The following INSL6 variants were observed in gnomAD, a reference collection of about 807,000 sequenced individuals.
INSL6 encodes the protein insulin like 6, also known as insulin-like peptide INSL6.
Under a neutral mutation model 9.4 loss-of-function variants are expected in INSL6, and 16 were observed. That is an observed-to-expected ratio of 1.70 (90% CI 1.15 to 2.59). The LOEUF is 2.59. Ranked by LOEUF, INSL6 falls within the 30% of genes most tolerant of loss-of-function variation. INSL6 has a pLI of 0.00. For synonymous variants in INSL6, 154 were observed against 96.9 expected, an observed-to-expected ratio of 1.59 and a Z score of -3.46; for missense variants, 391 against 257.3, an observed-to-expected ratio of 1.52 and a Z score of -3.56.
At chr9:5,063,920 G>A in the INSL6 span, among the ~76,000 whole-genome samples, 1 of 152,234 alleles carries the variant, frequency 6.6e-6, no homozygotes, top group Non-Finnish European at 1.5e-5. Flanking sequence ...CACTTTGGGA[G>A]GCCAAGGCGG....
chr9:5,083,055 G>A, the INSL6 span, among the ~76,000 whole-genome samples: 2 of 152,198 alleles, frequency 1.3e-5, no homozygotes, highest in Non-Finnish European at 2.9e-5. Context: ...TCTTCAAGAG[G>A]AAGATGAATT....
chr9:5,027,600 G>C, the INSL6 span, among the ~76,000 whole-genome samples: 1 of 152,158 alleles, frequency 6.6e-6, no homozygotes, highest in Non-Finnish European at 1.5e-5. Context: ...TGTCTCTGTA[G>C]TATGCAATGC....
At chr9:5,116,928 C>T in the INSL6 span, among the ~76,000 whole-genome samples, 1 of 152,194 alleles carries the variant, frequency 6.6e-6, no homozygotes, top group Non-Finnish European at 1.5e-5. Context: ...ACAAATAATT[C>T]AGCTGAAGAT....
the INSL6 span, among the ~76,000 whole-genome samples, chr9:5,042,677 G>C: frequency 6.6e-6 from 1 of 152,266 alleles, no homozygotes; most frequent in Non-Finnish European, 1.5e-5. Flanking sequence ...CTCAGTGGGA[G>C]GGCAGGCCTG....
the INSL6 span, among the ~76,000 whole-genome samples, chr9:5,036,048 T>C: frequency 6.6e-6 from 1 of 152,160 alleles, no homozygotes; most frequent in Non-Finnish European, 1.5e-5. Context: ...GCATACAAAA[T>C]CAATGTGCAA....
the INSL6 span, among the ~76,000 whole-genome samples, chr9:5,019,259 T>C: frequency 6.6e-6 from 1 of 152,158 alleles, no homozygotes; most frequent in Non-Finnish European, 1.5e-5. Flanking sequence ...TTCTTTATTT[T>C]TGTCTAATGG....
chr9:5,025,137 C>A, the INSL6 span, among the ~76,000 whole-genome samples: 1 of 152,044 alleles, frequency 6.6e-6, no homozygotes, highest in Non-Finnish European at 1.5e-5. Context: ...AGTTTTTACT[C>A]ATTTTTTTTT....
intron 2 of INSL6, among the ~76,000 whole-genome samples, chr9:5,136,094 T>C (rs894193661): frequency 1.3e-5 from 2 of 152,222 alleles, no homozygotes; most frequent in Non-Finnish European, 2.9e-5. Context: ...AATCCCTGAA[T>C]AGACCAATAA....
the INSL6 span, among the ~76,000 whole-genome samples, chr9:5,027,116 T>G: frequency 1.3e-5 from 2 of 152,190 alleles, no homozygotes; most frequent in Non-Finnish European, 2.9e-5. Flanking sequence ...GAACCAACCT[T>G]TCTATAGAGG....
chr9:5,073,286 G>A, the INSL6 span, among the ~76,000 whole-genome samples: 1 of 152,184 alleles, frequency 6.6e-6, no homozygotes, highest in Admixed American at 6.5e-5. Context: ...TGACACAGAT[G>A]TCGTGATATT....
chr9:5,157,856 T>A (rs903921354), intron 2 of INSL6, among the ~76,000 whole-genome samples: 3 of 151,992 alleles, frequency 2.0e-5, no homozygotes, highest in African/African-American at 4.8e-5. Flanking sequence ...CTAAATAAGG[T>A]ACCAGGGGCC....
At chr9:5,035,256 A>G in the INSL6 span, among the ~76,000 whole-genome samples, 1 of 152,228 alleles carries the variant, frequency 6.6e-6, no homozygotes, top group Admixed American at 6.5e-5. Context: ...TTACCAACCA[A>G]AAAAAGTCCA....
the INSL6 span, among the ~76,000 whole-genome samples, chr9:5,003,827 G>T: frequency 6.7e-6 from 1 of 149,662 alleles, no homozygotes. Flanking sequence ...TAGGTATATT[G>T]TTTTTTTACT....
intron 2 of INSL6, among the ~76,000 whole-genome samples, chr9:5,150,436 C>A (rs1162113664): frequency 6.6e-6 from 1 of 152,048 alleles, no homozygotes; most frequent in Admixed American, 6.5e-5. Flanking sequence ...GTGCAAAGGA[C>A]ATGAACATTT....
At chr9:5,073,288 C>T in the INSL6 span, among the ~76,000 whole-genome samples, 4 of 152,270 alleles carry the variant, frequency 2.6e-5, no homozygotes, top group African/African-American at 7.2e-5. Flanking sequence ...ACACAGATGT[C>T]GTGATATTTT....
intron 2 of INSL6, among the ~76,000 whole-genome samples, chr9:5,143,950 G>A (rs900217598): frequency 2.6e-5 from 4 of 152,130 alleles, no homozygotes; most frequent in Non-Finnish European, 5.9e-5. Flanking sequence ...GTAAGCCACT[G>A]CACTGGCCAA....
At chr9:4,997,645 T>C in the INSL6 span, among the ~76,000 whole-genome samples, 7 of 152,218 alleles carry the variant, frequency 4.6e-5, no homozygotes, top group Non-Finnish European at 1.0e-4. Context: ...ATCCAAACTG[T>C]ATCAACCTTG....
chr9:5,101,813 A>C, the INSL6 span, among the ~76,000 whole-genome samples: 1 of 152,318 alleles, frequency 6.6e-6, no homozygotes, highest in East Asian at 1.9e-4. Flanking sequence ...GAGGGACCTG[A>C]CTGTTAGAAA....
chr9:5,179,675 T>G (rs529921948), intron 1 of INSL6, among the ~76,000 whole-genome samples: 1 of 152,354 alleles, frequency 6.6e-6, no homozygotes, highest in African/African-American at 2.4e-5. Flanking sequence ...TAAAAAAGAA[T>G]GAGATCATGT....
Sources: gnomAD v4.1 joint callset for allele counts (sites outside exome capture counted in the v4.1 genomes callset) on GRCh38, gnomAD v4.1.1 for gene constraint, MANE v1.5 for transcripts, NCBI Gene and HGNC (gene_info 2026-07-23, HGNC 2026-07-21) for gene names.